Variants in UVRAG observed in about 807,000 individuals in gnomAD.
UVRAG encodes the protein UV radiation resistance associated.
A neutral mutation model predicts 78.0 loss-of-function variants in UVRAG; 19 were observed. The ratio of observed to expected loss-of-function variants is 0.24; its 90% CI spans 0.17 to 0.36. The LOEUF (loss-of-function observed/expected upper bound fraction) is 0.36, where lower values mean the gene tolerates loss of function less well. UVRAG is among the 10% of genes least tolerant of loss of function. The pLI is 1.00. For synonymous variants in UVRAG, 323 were observed against 324.6 expected (o/e 1.00, Z 0.05); for missense variants, 740 against 853.8 (o/e 0.87, Z 1.66).
intron 13 of UVRAG, among the ~76,000 whole-genome samples, chr11:76,089,282 T>C (rs975228041): frequency 4.6e-5 from 7 of 152,188 alleles, no homozygotes; most frequent in Non-Finnish European, 8.8e-5. Flanking sequence ...TAAGTTGTTA[T>C]ATGTTGAGTG....
intron 1 of UVRAG, among the ~76,000 whole-genome samples, chr11:75,846,253 C>T (rs918153998): frequency 6.6e-6 from 1 of 152,178 alleles, no homozygotes; most frequent in African/African-American, 2.4e-5. Flanking sequence ...TTAAGACTTA[C>T]CGCGTTTCAG....
intron 1 of UVRAG, among the ~76,000 whole-genome samples, chr11:75,829,853 T>G (rs958293007): frequency 6.6e-6 from 1 of 152,268 alleles, no homozygotes. Context: ...TCTTTTTACT[T>G]TTTTGAGACG....
chr11:75,879,750 A>T, intron 3 of UVRAG, 129 bp from the exon 4 acceptor site: 1 of 1,200,788 alleles, frequency 8.3e-7, no homozygotes, highest in Non-Finnish European at 1.2e-6. Context: ...TTCTTGGCTT[A>T]CTTAAGTTTG....
chr11:75,903,452 C>T (rs1160267391), intron 5 of UVRAG, among the ~76,000 whole-genome samples: 1 of 152,192 alleles, frequency 6.6e-6, no homozygotes, highest in African/African-American at 2.4e-5. Flanking sequence ...ATAATTTCCA[C>T]GTCACTGAAG....
chr11:75,954,808 ATT>A (rs1328736971), intron 6 of UVRAG, among the ~76,000 whole-genome samples: 3 of 152,208 alleles, frequency 2.0e-5, no homozygotes, highest in Non-Finnish European at 4.4e-5. Flanking sequence ...GTCATGTAAT[ATT>A]TTTGTGGTGC....
chr11:76,034,686 G>A (rs1950499167), intron 12 of UVRAG, among the ~76,000 whole-genome samples: 1 of 152,072 alleles, frequency 6.6e-6, no homozygotes, highest in Non-Finnish European at 1.5e-5. Flanking sequence ...TATAGTAGCA[G>A]TTTGCCATAT....
At chr11:75,855,656 C>T (rs998948166) in intron 2 of UVRAG, among the ~76,000 whole-genome samples, 3 of 152,222 alleles carry the variant, frequency 2.0e-5, no homozygotes, top group Admixed American at 6.5e-5. Flanking sequence ...GACCAATTGA[C>T]TCTTCTTGAT....
At chr11:75,827,407 C>T (rs1190350441) in intron 1 of UVRAG, among the ~76,000 whole-genome samples, 1 of 151,886 alleles carries the variant, frequency 6.6e-6, no homozygotes, top group Non-Finnish European at 1.5e-5. Context: ...GTTAGGAGTT[C>T]GAGACTAGCC....
rs373819754 is a variant in UVRAG, at chr11:76,081,751, G to C, written c.1305+15963G>C. Among the ~76,000 whole-genome samples, 5 of 152,186 alleles carry C rather than the reference G, an allele frequency of 3.3e-5. No homozygotes were observed. The East Asian group carries it at 5.8e-4, about 18-fold the overall frequency. Reference sequence around the variant, plus strand: ...CATTATGCAGTGAAATTGAAGATTTGTATATGAGAATGTTTATAGCACCAC... The same window carrying C: ...CATTATGCAGTGAAATTGAAGATTTCTATATGAGAATGTTTATAGCACCAC... On this transcript the variant is annotated intron_variant, in intron 13 of 14. Coordinates refer to ENST00000356136, the MANE Select transcript of UVRAG (RefSeq NM_003369.4).
chr11:76,011,245 C>T (rs999531003), intron 11 of UVRAG, among the ~76,000 whole-genome samples: 1 of 152,184 alleles, frequency 6.6e-6, no homozygotes, highest in Non-Finnish European at 1.5e-5. Context: ...TTTAATTTTA[C>T]TCTAAGGTCA....
At chr11:75,954,613 A>C (rs1006945810) in intron 6 of UVRAG, among the ~76,000 whole-genome samples, 2 of 152,170 alleles carry the variant, frequency 1.3e-5, no homozygotes. Context: ...AAAAATGTCA[A>C]ATTTTGGGAC....
chr11:75,899,511 T>C (rs150739670), intron 5 of UVRAG, among the ~76,000 whole-genome samples: 11 of 152,224 alleles, frequency 7.2e-5, no homozygotes, highest in African/African-American at 1.9e-4. Flanking sequence ...GAAGAAGGCA[T>C]TAAACTACTG....
At chr11:75,932,425 C>T (rs904404999) in intron 6 of UVRAG, among the ~76,000 whole-genome samples, 4 of 152,074 alleles carry the variant, frequency 2.6e-5, no homozygotes, top group Non-Finnish European at 2.9e-5. Context: ...GCTGGGACTA[C>T]AGGCGTGCAT....
intron 14 of UVRAG, among the ~76,000 whole-genome samples, chr11:76,125,323 T>C (rs1273967912): frequency 6.6e-6 from 1 of 152,196 alleles, no homozygotes; most frequent in Non-Finnish European, 1.5e-5. Flanking sequence ...TTCTCTAAGA[T>C]AGCTGTTTCA....
chr11:76,100,816 A>T (rs1951866971), intron 13 of UVRAG, among the ~76,000 whole-genome samples: 1 of 151,848 alleles, frequency 6.6e-6, no homozygotes, highest in Non-Finnish European at 1.5e-5. Flanking sequence ...GTGTCCATGT[A>T]TTCTCATCAT....
chr11:75,899,741 G>A (rs1947445060), intron 5 of UVRAG, among the ~76,000 whole-genome samples: 1 of 152,188 alleles, frequency 6.6e-6, no homozygotes, highest in Admixed American at 6.5e-5. Context: ...GAGAGAACAC[G>A]TGCAAACACT....
At chr11:75,999,165 A>C (rs1007447726) in intron 8 of UVRAG, among the ~76,000 whole-genome samples, 1 of 150,786 alleles carries the variant, frequency 6.6e-6, no homozygotes, top group Non-Finnish European at 1.5e-5. Flanking sequence ...CCCAGGAGGC[A>C]GAGGTTGCAG....
chr11:75,974,067 C>A (rs1949180751), intron 7 of UVRAG, among the ~76,000 whole-genome samples: 2 of 152,158 alleles, frequency 1.3e-5, no homozygotes, highest in South Asian at 4.1e-4. Context: ...TGGGTATATA[C>A]CCAGTAACAG....
At chr11:76,037,539 CAAAAAA>C (rs61354759) in intron 12 of UVRAG, among the ~76,000 whole-genome samples, 1,802 of 48,494 alleles carry the variant, frequency 0.037, 37 homozygotes, top group African/African-American at 0.081. Context: ...TTTGTCTTTA[CAAAAAA>C]AAAAAAAAAA....
Sources: gnomAD v4.1 joint callset for allele counts (sites outside exome capture counted in the v4.1 genomes callset) on GRCh38, gnomAD v4.1.1 for gene constraint, MANE v1.5 for transcripts, NCBI Gene and HGNC (gene_info 2026-07-23, HGNC 2026-07-21) for gene names.